Variants in CSMD2 observed in about 807,000 individuals in gnomAD.
CSMD2 encodes CUB and sushi domain-containing protein 2.
CSMD2 carries 130 observed loss-of-function variants against 398.5 expected under a neutral mutation model. That is an observed-to-expected ratio of 0.33 (90% CI 0.28 to 0.38). CSMD2 has a LOEUF of 0.38. CSMD2 is among the 10% of genes least tolerant of loss of function. CSMD2 has a pLI of 1.00. For missense variants in CSMD2, 3,829 were observed against 4,764.9 expected (o/e 0.80, Z 5.78); for synonymous variants, 1,828 against 1,908.5 (o/e 0.96, Z 1.10).
chr1:33,815,224 T>A (rs1488083849), intron 9 of CSMD2: 1 of 152,154 alleles, frequency 6.6e-6, no homozygotes, highest in Non-Finnish European at 1.5e-5. Flanking sequence ...ATGTTTACTT[T>A]TCAGTTGTGA....
intron 12 of CSMD2, among the ~76,000 whole-genome samples, chr1:33,775,311 T>C (rs1651827272): frequency 6.6e-6 from 1 of 152,218 alleles, no homozygotes; most frequent in African/African-American, 2.4e-5. Flanking sequence ...TCAGAGCCTG[T>C]CTTTGATTCA....
Position 33,533,308 on chromosome 1 carries a change from A to G in CSMD2, c.9992-79T>C. 3 of 1,256,798 alleles carry G rather than the reference A, an allele frequency of 2.4e-6. No homozygotes were observed. Among genetic ancestry groups the G allele is most frequent in the Non-Finnish European group, 3.4e-6 (3 of 887,642 alleles). The allele number at this position is 1,256,798 out of a possible 1,614,324, so 77.9% of individuals were successfully genotyped here. A position where few individuals can be genotyped will look rare whatever the true frequency, so the allele number is the denominator to read the frequency against. ...CCCTTTCGACCATTCCCCTGTTCCT[A>G]GATAGAATATCCTCTTCCTTTCCCT... On this transcript the variant is annotated intron_variant, in intron 63 of 70. Transcript: ENST00000373381. This position sits in a 1 kb window ranked among gnomAD's most constrained non-coding sequence, Gnocchi z 4.2.
At position 33,772,544 on chromosome 1, in the gene CSMD2, C is replaced by T. The variant is rs369327940; in HGVS notation, c.1846+25G>A. 151 of 1,599,242 alleles carry T rather than the reference C, an allele frequency of 9.4e-5. 2 individuals carry two copies. Among genetic ancestry groups the T allele is most frequent in the South Asian group, 9.3e-4 (84 of 89,956 alleles). ...CCCTGCCTCTCAGTGAAGACCCTGGCGTGGCCTCCTCCCTGCTCACTTACA... is the reference window on the plus strand; with the variant it reads ...CCCTGCCTCTCAGTGAAGACCCTGGTGTGGCCTCCTCCCTGCTCACTTACA... On this transcript the variant is annotated intron_variant, in intron 13 of 70. Coordinates refer to ENST00000373381, the MANE Select transcript of CSMD2 (RefSeq NM_001281956.2).
chr1:33,989,043 T>C (rs61771366), intron 3 of CSMD2, among the ~76,000 whole-genome samples: 39 of 51,104 alleles, frequency 7.6e-4, no homozygotes, highest in East Asian at 2.3e-3. Flanking sequence ...TATATATATA[T>C]ATATATATAT....
intron 2 of CSMD2, among the ~76,000 whole-genome samples, chr1:34,081,340 A>C (rs1657085111): frequency 6.6e-6 from 1 of 151,916 alleles, no homozygotes; most frequent in Non-Finnish European, 1.5e-5. Flanking sequence ...CCCTCCTATC[A>C]TCCTCCGAGG....
intron 53 of CSMD2, among the ~76,000 whole-genome samples, chr1:33,561,072 G>A (rs1293010309): frequency 1.3e-5 from 2 of 152,184 alleles, no homozygotes; most frequent in South Asian, 2.1e-4. Flanking sequence ...TGTTCTCTTT[G>A]TCCAATACTT....
chr1:33,963,173 C>A (rs745921027), intron 3 of CSMD2, among the ~76,000 whole-genome samples: 1 of 152,222 alleles, frequency 6.6e-6, no homozygotes, highest in Non-Finnish European at 1.5e-5. Context: ...TCTCAAAGCC[C>A]CTTATGGGGC....
In CSMD2 at chr1:33,537,157, A is replaced by C; in HGVS notation, c.9806-62T>G. ...ATGGAAGCCTTCACGGCCTCATCTC[A>C]CTCTGGGAAATAGGTGTAGAAAAGA... On this transcript the variant is annotated intron_variant, in intron 61 of 70. Coordinates refer to ENST00000373381, the MANE Select transcript of CSMD2 (RefSeq NM_001281956.2). The surrounding 1 kb of genome is among the most constrained non-coding windows in gnomAD (Gnocchi z 4.6). 1.6e-4 allele frequency: 249 copies of C among 1,543,292 alleles called. No individual in the cohort carries two copies. Among genetic ancestry groups the C allele is most frequent in the Non-Finnish European group, 2.0e-4 (227 of 1,116,290 alleles).
At chr1:33,634,351 T>C (rs1431838159) in intron 31 of CSMD2, among the ~76,000 whole-genome samples, 1 of 152,224 alleles carries the variant, frequency 6.6e-6, no homozygotes, top group Non-Finnish European at 1.5e-5. Context: ...GCCTCAAGCA[T>C]CAGGCCTTGC....
At chr1:34,162,194 A>AG (rs1344596372) in intron 1 of CSMD2, among the ~76,000 whole-genome samples, 6 of 132,066 alleles carry the variant, frequency 4.5e-5, no homozygotes, top group African/African-American at 1.1e-4. Flanking sequence ...AAAAAAAAAA[A>AG]GGGAGGATGA....
intron 25 of CSMD2, among the ~76,000 whole-genome samples, chr1:33,684,645 C>A (rs1645008412): frequency 2.0e-5 from 3 of 152,328 alleles, no homozygotes; most frequent in South Asian, 4.1e-4. Context: ...GTCCTCATAT[C>A]CCCCCTAGAC....
At chr1:34,077,228 A>C (rs2196539) in intron 2 of CSMD2, among the ~76,000 whole-genome samples, 44,007 of 150,144 alleles carry the variant, frequency 0.29, 6,672 homozygotes, top group Admixed American at 0.39. Flanking sequence ...GAGGCCGAGG[A>C]GGGTGGATCA....
chr1:33,967,023 T>C (rs555428760), intron 3 of CSMD2, among the ~76,000 whole-genome samples: 2 of 152,294 alleles, frequency 1.3e-5, no homozygotes, highest in South Asian at 4.1e-4. Flanking sequence ...ACAGGAGAAG[T>C]TAATAGGGGC....
At chr1:33,792,595 G>A (rs1654460860) in intron 10 of CSMD2, 69 bp from the exon 11 acceptor site, 1 of 1,029,282 alleles carries the variant, frequency 9.7e-7, no homozygotes, top group East Asian at 2.4e-5. Context: ...CTTGAGGGGA[G>A]GAAGGATTTT....
intron 4 of CSMD2, among the ~76,000 whole-genome samples, chr1:33,929,441 T>TTTTTTC: frequency 6.9e-6 from 1 of 144,954 alleles, no homozygotes; most frequent in Non-Finnish European, 1.5e-5. Flanking sequence ...ACTTTTTTTT[T>TTTTTTC]TTTTTTTTTT....
chr1:33,848,373 G>C (rs918716635), intron 5 of CSMD2, among the ~76,000 whole-genome samples: 1 of 152,210 alleles, frequency 6.6e-6, no homozygotes, highest in East Asian at 1.9e-4. Context: ...AGGAGGCAAA[G>C]AATGAATACG....
chr1:33,605,152 T>G (rs530844357), intron 42 of CSMD2, 130 bp downstream of exon 42: 2 of 873,940 alleles, frequency 2.3e-6, no homozygotes, highest in South Asian at 3.4e-5. Flanking sequence ...GAAAACAGGA[T>G]GGACCACAGT....
intron 5 of CSMD2, among the ~76,000 whole-genome samples, chr1:33,916,059 T>C (rs78678343): frequency 0.027 from 4,175 of 152,298 alleles, 192 homozygotes; most frequent in African/African-American, 0.094. Flanking sequence ...AAAGAGCTTA[T>C]AACCTGTCTG....
At chr1:33,766,131 A>C (rs1294451516) in intron 13 of CSMD2, among the ~76,000 whole-genome samples, 1 of 152,212 alleles carries the variant, frequency 6.6e-6, no homozygotes, top group Non-Finnish European at 1.5e-5. Flanking sequence ...GGCAACAGCC[A>C]ACCCCTATAG....
Sources: gnomAD v4.1 joint callset for allele counts (sites outside exome capture counted in the v4.1 genomes callset) on GRCh38, gnomAD v4.1.1 for gene constraint, Gnocchi (gnomAD v3.1) non-coding constraint, MANE v1.5 for transcripts, NCBI Gene and HGNC (gene_info 2026-07-23, HGNC 2026-07-21) for gene names.